ABLIM1: variants seen among roughly 807,000 people sequenced by gnomAD.
The protein encoded by ABLIM1 is actin binding LIM protein 1.
ABLIM1 carries 40 observed loss-of-function variants against 107.0 expected under a neutral mutation model. The observed-to-expected ratio is 0.37, with a 90% CI of 0.29 to 0.49. The LOEUF is 0.49. Among genes scored for constraint, ABLIM1 ranks in the 20% least tolerant of loss-of-function variants. ABLIM1 has a pLI of 0.97. For missense variants in ABLIM1, 857 were observed against 1,008.5 expected (o/e 0.85, Z 2.04); for synonymous variants, 357 against 357.3 (o/e 1.00, Z 0.01).
intron 4 of ABLIM1, among the ~76,000 whole-genome samples, chr10:114,557,951 G>A (rs7920653): frequency 0.077 from 11,616 of 151,102 alleles, 759 homozygotes; most frequent in African/African-American, 0.18. Context: ...CTTAGTTCCT[G>A]TTTCATTATA....
chr10:114,545,259 G>A (rs1219355028), intron 5 of ABLIM1, among the ~76,000 whole-genome samples, 161 bp from the exon 6 acceptor site: 1 of 152,186 alleles, frequency 6.6e-6, no homozygotes, highest in Non-Finnish European at 1.5e-5. Context: ...TGGCCAGACA[G>A]GATCAAAACC....
the ABLIM1 span, among the ~76,000 whole-genome samples, chr10:114,791,495 G>A: frequency 7.2e-5 from 11 of 152,060 alleles, no homozygotes; most frequent in Non-Finnish European, 1.0e-4. Flanking sequence ...AAAATTAGAC[G>A]GGCGTGGTGG....
chr10:114,437,728 G>A (rs1181201848), intron 22 of ABLIM1, 116 bp downstream of exon 22: 2 of 840,780 alleles, frequency 2.4e-6, no homozygotes, highest in East Asian at 2.5e-5. Context: ...TGACATGAGG[G>A]TGATCTTTAT....
At chr10:114,699,104 C>CAAAAAA (rs11344931) in intron 1 of ABLIM1, among the ~76,000 whole-genome samples, 1 of 115,250 alleles carries the variant, frequency 8.7e-6, no homozygotes, top group Non-Finnish European at 1.8e-5. Flanking sequence ...TTTTGCTTAG[C>CAAAAAA]AAAAAAAAAA....
At chr10:114,730,869 A>G (rs808351) in intron 1 of ABLIM1, among the ~76,000 whole-genome samples, 109,905 of 151,926 alleles carry the variant, frequency 0.72, 39,988 homozygotes, top group African/African-American at 0.76. Context: ...TTGTCCCTAG[A>G]CATTTACCTA....
intron 2 of ABLIM1, among the ~76,000 whole-genome samples, chr10:114,598,023 G>C (rs2075605077): frequency 6.6e-6 from 1 of 152,144 alleles, no homozygotes; most frequent in South Asian, 2.1e-4. Flanking sequence ...TGTAATCCCA[G>C]CACTTTGGAA....
chr10:114,508,195 T>C (rs1490070067), intron 6 of ABLIM1, among the ~76,000 whole-genome samples: 1 of 152,188 alleles, frequency 6.6e-6, no homozygotes, highest in African/African-American at 2.4e-5. Context: ...AAATTTACCC[T>C]GTTTAGGAGA....
chr10:114,548,525 T>A (rs2067649753), intron 4 of ABLIM1, among the ~76,000 whole-genome samples: 1 of 152,212 alleles, frequency 6.6e-6, no homozygotes, highest in Non-Finnish European at 1.5e-5. Flanking sequence ...TATCAGCACC[T>A]GGTCTCAGCC....
chr10:114,623,579 G>A (rs2077603456), intron 1 of ABLIM1, among the ~76,000 whole-genome samples: 1 of 152,130 alleles, frequency 6.6e-6, no homozygotes, highest in Non-Finnish European at 1.5e-5. Flanking sequence ...TTTACCCACA[G>A]AAACGACAGA....
At chr10:114,597,163 T>C (rs1026812920) in intron 2 of ABLIM1, among the ~76,000 whole-genome samples, 1 of 152,196 alleles carries the variant, frequency 6.6e-6, no homozygotes, top group African/African-American at 2.4e-5. Context: ...AAATGTTGTT[T>C]TAGGACTTGG....
rs567496812 is a variant in ABLIM1, at chr10:114,669,417, T to C, written c.64+14873A>G. 1.5e-4 allele frequency among the ~76,000 whole-genome samples: 23 copies of C among 152,328 alleles called. No homozygotes were observed. The South Asian group carries it at 3.9e-3, about 26-fold the overall frequency. On this transcript the variant is annotated intron_variant, in intron 1 of 23. Coordinates refer to the ABLIM1 transcript ENST00000369256. ...TGGTAATTAACCTCACCTAAGAGGATGCAGATTTGCAAAAAACAGCTCCAG... is the reference window on the plus strand; with the variant it reads ...TGGTAATTAACCTCACCTAAGAGGACGCAGATTTGCAAAAAACAGCTCCAG...
chr10:114,675,958 G>A (rs528931644), intron 1 of ABLIM1, among the ~76,000 whole-genome samples: 17 of 151,910 alleles, frequency 1.1e-4, no homozygotes, highest in African/African-American at 2.7e-4. Context: ...TTTTTTTAAC[G>A]ACATCTCATG....
intron 12 of ABLIM1, 51 bp downstream of exon 12, chr10:114,465,647 A>G (rs1333429050): frequency 1.1e-5 from 17 of 1,588,826 alleles, no homozygotes; most frequent in Non-Finnish European, 1.5e-5. Context: ...GGAAAAAATC[A>G]CAGAAACATA....
intron 2 of ABLIM1, among the ~76,000 whole-genome samples, chr10:114,584,419 A>G (rs946107402): frequency 6.6e-6 from 1 of 152,188 alleles, no homozygotes; most frequent in Non-Finnish European, 1.5e-5. Flanking sequence ...CTATGACACA[A>G]TGTCTTCTCA....
chr10:114,555,384 C>A (rs2068594908), intron 4 of ABLIM1, among the ~76,000 whole-genome samples: 1 of 152,124 alleles, frequency 6.6e-6, no homozygotes, highest in African/African-American at 2.4e-5. Flanking sequence ...CCGGGCTTTG[C>A]CTGCCCAATT....
the ABLIM1 span, among the ~76,000 whole-genome samples, chr10:114,773,388 G>T: frequency 2.6e-5 from 4 of 152,146 alleles, no homozygotes; most frequent in African/African-American, 9.7e-5. Context: ...AAAGCCATGA[G>T]ACAACAGAAT....
At chr10:114,727,823 C>T (rs535825347) in intron 1 of ABLIM1, among the ~76,000 whole-genome samples, 184 of 152,158 alleles carry the variant, frequency 1.2e-3, no homozygotes, top group African/African-American at 3.9e-3. Flanking sequence ...GGCATGGTGG[C>T]TCATGCCTGT....
In ABLIM1 at chr10:114,556,276, C is replaced by T. The variant is rs76784888; in HGVS notation, c.674-8500G>A. On this transcript the variant is annotated intron_variant, in intron 4 of 22. Coordinates refer to ENST00000533213, the MANE Select transcript of ABLIM1 (RefSeq NM_002313.7). ...GGGCACAAGAGAAGGGTGACCTGAA[C>T]GTGGATCAGATTCTGCTAACAAGCT... Among the ~76,000 whole-genome samples the T allele has an allele frequency of 7.0e-4, 106 of 152,302 alleles. 2 individuals carry two copies. The East Asian group carries it at 0.014, about 20-fold the overall frequency.
chr10:114,749,450 C>CCACACACACACACACACACA (rs151201319), intron 1 of ABLIM1, among the ~76,000 whole-genome samples: 9 of 141,600 alleles, frequency 6.4e-5, no homozygotes, highest in African/African-American at 1.8e-4. Flanking sequence ...AACACACACA[C>CCACACACACACACACACACA]CACACACACA....
Sources: gnomAD v4.1 joint callset for allele counts (sites outside exome capture counted in the v4.1 genomes callset) on GRCh38, gnomAD v4.1.1 for gene constraint, MANE v1.5 for transcripts, NCBI Gene and HGNC (gene_info 2026-07-23, HGNC 2026-07-21) for gene names.